KPNA6: variants seen among roughly 807,000 people sequenced by gnomAD.
KPNA6 encodes the protein importin subunit alpha-7.
A neutral mutation model predicts 72.0 loss-of-function variants in KPNA6; 9 were observed. The ratio of observed to expected loss-of-function variants is 0.13; its 90% confidence interval spans 0.08 to 0.22. KPNA6 has a LOEUF of 0.22. Among genes scored for constraint, KPNA6 ranks in the 10% least tolerant of loss-of-function variants. KPNA6 has a pLI of 1.00. For missense variants in KPNA6, 374 were observed against 655.7 expected (o/e 0.57, Z 4.69); for synonymous variants, 219 against 242.1 (o/e 0.90, Z 0.89).
intron 1 of KPNA6, among the ~76,000 whole-genome samples, chr1:32,111,362 T>A (rs529977457): frequency 1.3e-5 from 2 of 152,316 alleles, no homozygotes; most frequent in East Asian, 3.9e-4. Flanking sequence ...CTGGTACAGT[T>A]CAACATGAAA....
intron 9 of KPNA6, 116 bp from the exon 10 acceptor site, chr1:32,163,114 GAAAAA>G (rs1318932409): frequency 7.5e-5 from 50 of 669,738 alleles, no homozygotes; most frequent in Admixed American, 3.5e-4. Flanking sequence ...AAAAAAAAAA[GAAAAA>G]AGAAAAAAAA....
At chr1:32,125,766 T>C (rs1641520629) in intron 1 of KPNA6, among the ~76,000 whole-genome samples, 1 of 152,142 alleles carries the variant, frequency 6.6e-6, no homozygotes, top group Admixed American at 6.6e-5. Context: ...AATCCTAATT[T>C]TTTGAATTTT....
In KPNA6 at chr1:32,159,432, C is replaced by T; in HGVS notation, c.459C>T (p.Ala153=). The T allele has an allele frequency of 6.2e-7, 1 of 1,614,090 alleles. No individual in the cohort carries two copies. The highest frequency in any genetic ancestry group is 8.5e-7 in the Non-Finnish European group (1 of 1,179,994). Residue 153 remains alanine, a synonymous_variant, in exon 6 of 14, where the codon GCC becomes GCT. Coordinates refer to ENST00000373625, the MANE Select transcript of KPNA6 (RefSeq NM_012316.5). Reference sequence around the variant, plus strand: ...CTGCCTGGGCTCTAACGAATATTGCCTCTGGAACCTCTCAGCAGACCAAAA... The same window carrying T: ...CTGCCTGGGCTCTAACGAATATTGCTTCTGGAACCTCTCAGCAGACCAAAA... ...FEAAWALTNI[A]SGTSQQTKIV...
intron 1 of KPNA6, among the ~76,000 whole-genome samples, chr1:32,118,520 T>C (rs1641366278): frequency 6.6e-6 from 1 of 152,058 alleles, no homozygotes; most frequent in South Asian, 2.1e-4. Context: ...ATAGGTTAGG[T>C]GCGGTAGCTC....
chr1:32,166,135 C>T lies in KPNA6; in HGVS notation c.1021C>T (p.Leu341Phe). The T allele has an allele frequency of 6.2e-7, 1 of 1,614,004 alleles. No individual in the cohort carries two copies. The highest frequency in any genetic ancestry group is 8.5e-7 in the Non-Finnish European group (1 of 1,179,980). The change falls in exon 11 of 14, where the codon CTT becomes TTT. Residue 341 changes from leucine to phenylalanine, a missense_variant. Around this residue, in one of 3 missense-constraint regions of KPNA6, gnomAD observed 298 missense variants for 495.4 expected, o/e 0.60. Coordinates refer to ENST00000373625, the MANE Select transcript of KPNA6 (RefSeq NM_012316.5). ...TCTTAACTGTTCAGCCCTACCTTGCCTTCTCCACTTGTTGAGCAGTCCCAA... is the reference window on the plus strand; with the variant it reads ...TCTTAACTGTTCAGCCCTACCTTGCTTTCTCCACTTGTTGAGCAGTCCCAA... ...VILNCSALPC[L>F]LHLLSSPKES...
rs1642353891 is a variant in KPNA6 at position 32,167,111 on chromosome 1, A to AT, written c.1117-55dup. 4.4e-6 allele frequency: 7 copies of AT among 1,592,916 alleles called. No homozygotes were observed. The Admixed American group carries it at 1.0e-4, about 23-fold the overall frequency. On this transcript the variant is annotated intron_variant, in intron 11 of 13. Coordinates refer to ENST00000373625, the MANE Select transcript of KPNA6 (RefSeq NM_012316.5). ...CTCAGCTGATTTGGGGACTAGATTT[A>AT]TTTATCATGCTGAAATGACTTTCTC...
At chr1:32,126,837 A>G (rs1310183075) in intron 1 of KPNA6, among the ~76,000 whole-genome samples, 3 of 152,170 alleles carry the variant, frequency 2.0e-5, no homozygotes. Context: ...GGGAATGAAG[A>G]CAGAATGGAA....
At chr1:32,143,950 C>T (rs1387841959) in intron 1 of KPNA6, among the ~76,000 whole-genome samples, 2 of 152,094 alleles carry the variant, frequency 1.3e-5, no homozygotes, top group Admixed American at 1.3e-4. Context: ...CCATGGTATC[C>T]ATATGCAGTA....
rs982175711 is a variant in KPNA6 at position 32,114,451 on chromosome 1, A to AAATATATATATATAT, written c.4+6318_4+6319insATATATATATATATA. Among the ~76,000 whole-genome samples, 3 of 145,524 alleles carry AAATATATATATATAT rather than the reference A, an allele frequency of 2.1e-5. 1 individual carries two copies. The highest frequency in any genetic ancestry group is 7.6e-5 in the African/African-American group (3 of 39,580). ...AACGAAACTCTGTCTCAAAAAAAAA[A>AAATATATATATATAT]ATATATATATATATATATATATTCA... On this transcript the variant is annotated intron_variant, in intron 1 of 13. Transcript: ENST00000373625.
intron 11 of KPNA6, 29 bp downstream of exon 11, chr1:32,166,259 T>A: frequency 6.3e-7 from 1 of 1,599,734 alleles, no homozygotes; most frequent in Non-Finnish European, 8.5e-7. Context: ...TCAAGGGGCA[T>A]GGGAAGTCAT....
Position 32,167,335 on chromosome 1 carries a change from A to G in KPNA6, c.1244+39A>G, listed in dbSNP as rs757798010. 5 of 1,612,222 alleles carry G rather than the reference A, an allele frequency of 3.1e-6. No homozygotes were observed. In the South Asian group the frequency reaches 3.3e-5, roughly 11 times the overall value. On this transcript the variant is annotated intron_variant, in intron 12 of 13. Coordinates refer to ENST00000373625, the MANE Select transcript of KPNA6 (RefSeq NM_012316.5). ...TTCCCGTTGTCTTGAATGATAATGG[A>G]TGCTCTCCCTGTTTGCTCATGGTTT...
chr1:32,150,877 G>A (rs1274773814), intron 1 of KPNA6, among the ~76,000 whole-genome samples: 1 of 151,956 alleles, frequency 6.6e-6, no homozygotes. Context: ...CGCCCACCTC[G>A]GCCTCCCAAA....
chr1:32,162,174 A>G, intron 8 of KPNA6, 128 bp downstream of exon 8: 1 of 921,306 alleles, frequency 1.1e-6, no homozygotes, highest in Non-Finnish European at 1.7e-6. Flanking sequence ...AGTGAAGTAG[A>G]TGATCTTGTG....
rs151003911 is a variant in KPNA6 at position 32,116,892 on chromosome 1, CTG to C, written c.4+8761_4+8762del. Among the ~76,000 whole-genome samples the C allele has an allele frequency of 8.6e-3, 1,302 of 152,144 alleles. 14 individuals are homozygous for C. Among genetic ancestry groups the C allele is most frequent in the African/African-American group, 0.03 (1,225 of 41,500 alleles). ...CTCAGGGAATAGGGTGGGAGAGAGA[CTG>C]TGGAATGGCTTGTTGGTGGAGCAGT... On this transcript the variant is annotated intron_variant, in intron 1 of 13. Coordinates refer to ENST00000373625, the MANE Select transcript of KPNA6 (RefSeq NM_012316.5).
intron 1 of KPNA6, among the ~76,000 whole-genome samples, chr1:32,111,417 GT>G (rs960599359): frequency 6.6e-5 from 10 of 152,192 alleles, no homozygotes; most frequent in Non-Finnish European, 1.3e-4. Flanking sequence ...CTTGAAGGGG[GT>G]TTTTAGCCTA....
chr1:32,158,418 T>G (rs1231541336), intron 5 of KPNA6, 57 bp downstream of exon 5: 1 of 998,224 alleles, frequency 1.0e-6, no homozygotes, highest in East Asian at 2.4e-5. Context: ...GGATACATAG[T>G]AGGTATATAT....
chr1:32,138,601 A>T (rs542333245), intron 1 of KPNA6, among the ~76,000 whole-genome samples: 44 of 150,224 alleles, frequency 2.9e-4, no homozygotes, highest in Non-Finnish European at 6.1e-4. Flanking sequence ...GTGAGCTTGG[A>T]GTGGGGGCTC....
chr1:32,162,192 A>G (rs973105761), intron 8 of KPNA6, 146 bp downstream of exon 8: 8 of 912,670 alleles, frequency 8.8e-6, no homozygotes, highest in Non-Finnish European at 1.4e-5. Context: ...GTGTACCTGG[A>G]TAGTAAAGTG....
intron 1 of KPNA6, among the ~76,000 whole-genome samples, chr1:32,143,449 G>T (rs1046628160): frequency 2.6e-5 from 4 of 151,790 alleles, no homozygotes; most frequent in African/African-American, 9.7e-5. Flanking sequence ...GCCGGGCATG[G>T]TGGTGGGTGC....
Sources: allele counts gnomAD v4.1 joint callset (sites outside exome capture counted in the v4.1 genomes callset), GRCh38; gene constraint gnomAD v4.1.1; regional missense constraint gnomAD v4.1.1; transcripts MANE v1.5; gene names NCBI Gene and HGNC (gene_info 2026-07-23, HGNC 2026-07-21).